The following SQOR variants were observed in gnomAD, a reference collection of about 807,000 sequenced individuals.
SQOR encodes the protein sulfide:quinone oxidoreductase, mitochondrial.
In SQOR, 39 loss-of-function variants were observed where a neutral mutation model predicts 48.6. The ratio of observed to expected loss-of-function variants is 0.80; its 90% CI spans 0.62 to 1.05. The LOEUF (loss-of-function observed/expected upper bound fraction) is 1.05, where lower values mean the gene tolerates loss of function less well. Among genes scored for constraint, SQOR ranks in the 50% least tolerant of loss-of-function variants. The pLI is 0.00. For missense variants in SQOR, 561 were observed against 559.9 expected, an observed-to-expected ratio of 1.00 and a Z score of -0.02; for synonymous variants, 220 against 206.2, an observed-to-expected ratio of 1.07 and a Z score of -0.57.
chr15:45,640,084 C>T (rs1238851574), intron 1 of SQOR, among the ~76,000 whole-genome samples: 4 of 152,200 alleles, frequency 2.6e-5, no homozygotes, highest in Non-Finnish European at 5.9e-5. Flanking sequence ...TCAACACTTC[C>T]ACAAATGATT....
chr15:45,654,044 C>A (rs981624581), intron 1 of SQOR, among the ~76,000 whole-genome samples: 1 of 150,830 alleles, frequency 6.6e-6, no homozygotes, highest in South Asian at 2.1e-4. Flanking sequence ...ATCGCTTGAA[C>A]TCAGGAAGTG....
chr15:45,668,544 G>A (rs142028043), intron 3 of SQOR, among the ~76,000 whole-genome samples: 139 of 152,306 alleles, frequency 9.1e-4, no homozygotes, highest in Middle Eastern at 6.8e-3. Flanking sequence ...GAGGGTGATC[G>A]TGTCATAGTG....
chr15:45,689,372 G>T, intron 9 of SQOR, 155 bp downstream of exon 9: 2 of 578,298 alleles, frequency 3.5e-6, no homozygotes, highest in Non-Finnish European at 5.8e-6. Flanking sequence ...AATAATAATA[G>T]TAAATCACTT....
intron 1 of SQOR, among the ~76,000 whole-genome samples, chr15:45,657,253 T>C (rs761549439): frequency 9.7e-5 from 13 of 134,108 alleles, no homozygotes; most frequent in East Asian, 2.2e-4. Context: ...CCCTGGCCCG[T>C]GTGGAGCCTG....
chr15:45,634,239 A>C (rs1313718550), upstream of SQOR, among the ~76,000 whole-genome samples: 1 of 60,224 alleles, frequency 1.7e-5, no homozygotes, highest in Non-Finnish European at 3.6e-5. Flanking sequence ...AAATTCATAA[A>C]ACCAAATAAG....
At chr15:45,642,692 A>G (rs1489056490) in intron 1 of SQOR, among the ~76,000 whole-genome samples, 1 of 152,098 alleles carries the variant, frequency 6.6e-6, no homozygotes, top group Admixed American at 6.5e-5. Flanking sequence ...CTTGAACCCA[A>G]CTGTCCAAAA....
intron 1 of SQOR, chr15:45,645,894 C>T (rs1895195930): frequency 6.6e-6 from 1 of 152,130 alleles, no homozygotes; most frequent in Admixed American, 6.5e-5. Flanking sequence ...GGGAGTTTTC[C>T]CATGTTCCAG....
Position 45,676,130 on chromosome 15 carries a change from T to C in SQOR, c.684T>C (p.Ile228=). 1 of 1,614,154 alleles carries C rather than the reference T, an allele frequency of 6.2e-7. No individual in the cohort carries two copies. Among genetic ancestry groups the C allele is most frequent in the Non-Finnish European group, 8.5e-7 (1 of 1,180,020 alleles). The stretch of plus-strand genomic sequence containing the variant: ...GGAAGCGATCCAAGGCCAATATCAT[T>C]TTCAACACTTCTCTTGGAGCCATTT... ...KTGKRSKANI[I]FNTSLGAIFG... is the part of the protein sequence containing the mutation. Residue 228 remains isoleucine, a synonymous_variant, in exon 6 of 10, where the codon ATT becomes ATC. Coordinates refer to ENST00000260324, the MANE Select transcript of SQOR (RefSeq NM_021199.4).
At chr15:45,675,934 A>C (rs1158327695) in intron 5 of SQOR, among the ~76,000 whole-genome samples, 167 bp from the exon 6 acceptor site, 5 of 152,142 alleles carry the variant, frequency 3.3e-5, no homozygotes, top group Admixed American at 6.5e-5. Flanking sequence ...CATGGGCAGA[A>C]CATAAGGAGG....
chr15:45,649,193 G>T (rs895473560), intron 1 of SQOR, among the ~76,000 whole-genome samples: 12 of 152,306 alleles, frequency 7.9e-5, no homozygotes, highest in Non-Finnish European at 2.9e-5. Context: ...AAGGTATGAA[G>T]TCCCAAAGAC....
chr15:45,682,380 C>T, intron 6 of SQOR, 98 bp from the exon 7 acceptor site: 1 of 1,284,416 alleles, frequency 7.8e-7, no homozygotes, highest in Non-Finnish European at 1.1e-6. Context: ...TCCATGCAGC[C>T]ATAGCACAGT....
At chr15:45,637,078 T>G (rs371001953) in intron 1 of SQOR, among the ~76,000 whole-genome samples, 28 of 151,828 alleles carry the variant, frequency 1.8e-4, no homozygotes, top group African/African-American at 6.5e-4. Context: ...TCCTCGCAGG[T>G]TCGAGTGATT....
At chr15:45,688,945 T>G in intron 8 of SQOR, 94 bp from the exon 9 acceptor site, 6 of 1,010,018 alleles carry the variant, frequency 5.9e-6, no homozygotes, top group Non-Finnish European at 8.6e-6. Context: ...AGAAAAAATA[T>G]ATAAGCACTC....
chr15:45,683,424 C>T (rs1323142840), intron 7 of SQOR, among the ~76,000 whole-genome samples: 4 of 152,212 alleles, frequency 2.6e-5, no homozygotes, highest in African/African-American at 9.6e-5. Context: ...CTGAGTGGTA[C>T]ACGATTAAGG....
At chr15:45,663,461 C>T (rs1889756466) in intron 3 of SQOR, among the ~76,000 whole-genome samples, 1 of 152,092 alleles carries the variant, frequency 6.6e-6, no homozygotes, top group Non-Finnish European at 1.5e-5. Flanking sequence ...TTTCCCTGGA[C>T]CCTGATCAAG....
chr15:45,662,889 T>C (rs1285747655), intron 3 of SQOR, among the ~76,000 whole-genome samples: 1 of 152,206 alleles, frequency 6.6e-6, no homozygotes, highest in African/African-American at 2.4e-5. Flanking sequence ...GTGTTATTGG[T>C]CTTAATCCTC....
intron 6 of SQOR, among the ~76,000 whole-genome samples, chr15:45,680,618 G>A (rs187339665): frequency 3.3e-5 from 5 of 150,716 alleles, no homozygotes; most frequent in East Asian, 4.0e-4. Flanking sequence ...GTTTGACTAC[G>A]TTACCCAGGC....
At chr15:45,645,493 C>T (rs999747232) in intron 1 of SQOR, among the ~76,000 whole-genome samples, 2 of 152,162 alleles carry the variant, frequency 1.3e-5, no homozygotes, top group Admixed American at 6.5e-5. Flanking sequence ...AGATTGTCTT[C>T]CCCAATGTGG....
intron 2 of SQOR, 63 bp downstream of exon 2, chr15:45,659,220 G>A: frequency 9.1e-6 from 12 of 1,322,738 alleles, no homozygotes; most frequent in Non-Finnish European, 1.2e-5. Flanking sequence ...GAGTGTGTGT[G>A]TGTGTGTGTT....
Sources: allele counts gnomAD v4.1 joint callset (sites outside exome capture counted in the v4.1 genomes callset), GRCh38; gene constraint gnomAD v4.1.1; transcripts MANE v1.5; gene names NCBI Gene and HGNC (gene_info 2026-07-23, HGNC 2026-07-21).